Variants in SLC39A11 observed in about 807,000 individuals in gnomAD.
SLC39A11 encodes solute carrier family 39 member 11, also known as zinc transporter ZIP11.
SLC39A11 carries 33 observed loss-of-function variants against 36.1 expected under a neutral mutation model. The ratio of observed to expected loss-of-function variants is 0.91; its 90% CI spans 0.69 to 1.22. The LOEUF (loss-of-function observed/expected upper bound fraction) is 1.22. Ranked by LOEUF, SLC39A11 falls within the 50% of genes most tolerant of loss-of-function variation. The pLI is 0.00. For synonymous variants in SLC39A11, 166 were observed against 170.3 expected, an observed-to-expected ratio of 0.97 and a Z score of 0.20; for missense variants, 432 against 430.3, an observed-to-expected ratio of 1.00 and a Z score of -0.03.
intron 7 of SLC39A11, among the ~76,000 whole-genome samples, chr17:72,670,212 C>CACACAT (rs1300718493): frequency 4.0e-5 from 5 of 125,214 alleles, no homozygotes; most frequent in Non-Finnish European, 8.6e-5. Context: ...CACACACACA[C>CACACAT]ATATATATAT....
intron 6 of SLC39A11, among the ~76,000 whole-genome samples, chr17:72,800,454 G>T (rs2077047489): frequency 6.6e-6 from 1 of 151,936 alleles, no homozygotes; most frequent in Non-Finnish European, 1.5e-5. Context: ...GGGATTACAG[G>T]CACACACCAC....
chr17:73,015,697 C>T (rs1400051217), intron 4 of SLC39A11, among the ~76,000 whole-genome samples: 2 of 152,182 alleles, frequency 1.3e-5, no homozygotes, highest in African/African-American at 4.8e-5. Context: ...ATTCTCGTGC[C>T]TTGGCCTCCC....
chr17:72,896,024 T>C (rs971298079), intron 5 of SLC39A11, among the ~76,000 whole-genome samples: 1 of 152,008 alleles, frequency 6.6e-6, no homozygotes, highest in Non-Finnish European at 1.5e-5. Flanking sequence ...ATTCAGTATC[T>C]TAAACTCAAT....
At chr17:73,060,210 CAAAAAAAA>C (rs33931672) in intron 3 of SLC39A11, among the ~76,000 whole-genome samples, 6 of 70,352 alleles carry the variant, frequency 8.5e-5, no homozygotes, top group Non-Finnish European at 1.6e-4. Context: ...AACTCCATCT[CAAAAAAAA>C]AAAAAAAAAA....
intron 6 of SLC39A11, among the ~76,000 whole-genome samples, chr17:72,809,649 G>C (rs1053333956): frequency 3.3e-5 from 5 of 152,186 alleles, no homozygotes; most frequent in Non-Finnish European, 7.3e-5. Flanking sequence ...AAAAGAGAGA[G>C]ACTCTTACTT....
intron 3 of SLC39A11, among the ~76,000 whole-genome samples, chr17:73,036,310 T>A (rs2058912424): frequency 6.6e-6 from 1 of 152,176 alleles, no homozygotes; most frequent in African/African-American, 2.4e-5. Context: ...GACATAGGCC[T>A]ACCTGTCCCC....
At chr17:72,695,303 T>C (rs1440409541) in intron 7 of SLC39A11, among the ~76,000 whole-genome samples, 1 of 152,200 alleles carries the variant, frequency 6.6e-6, no homozygotes, top group African/African-American at 2.4e-5. Context: ...TCCCGGCACG[T>C]AGTATCCACA....
chr17:72,804,514 T>G (rs1313946227), intron 6 of SLC39A11, among the ~76,000 whole-genome samples: 1 of 152,144 alleles, frequency 6.6e-6, no homozygotes, highest in Non-Finnish European at 1.5e-5. Context: ...GCCTGTAAGA[T>G]TATAAAAGGA....
At chr17:72,987,311 C>A (rs1448387143) in intron 4 of SLC39A11, among the ~76,000 whole-genome samples, 2 of 152,172 alleles carry the variant, frequency 1.3e-5, no homozygotes, top group Non-Finnish European at 2.9e-5. Context: ...AATTACCCAG[C>A]CTCAGGTATT....
intron 7 of SLC39A11, among the ~76,000 whole-genome samples, chr17:72,732,674 G>A (rs1437942488): frequency 6.6e-6 from 1 of 152,192 alleles, no homozygotes; most frequent in African/African-American, 2.4e-5. Context: ...CTATTTGAGT[G>A]TAAGTGCAAC....
chr17:72,833,994 T>C (rs1458557072), intron 6 of SLC39A11, among the ~76,000 whole-genome samples: 3 of 152,236 alleles, frequency 2.0e-5, no homozygotes, highest in Non-Finnish European at 2.9e-5. Context: ...ATGTAGGACA[T>C]ACCCCATGAC....
Position 72,646,519 on chromosome 17 carries a change from T to C in SLC39A11, c.*1065A>G, listed in dbSNP as rs1363399721. 3.3e-5 allele frequency: 5 copies of C among 152,354 alleles called. No homozygotes were observed. Among genetic ancestry groups the C allele is most frequent in the African/African-American group, 1.2e-4 (5 of 41,464 alleles). The allele number at this position is 152,354 out of a possible 1,614,324, so 9.4% of individuals were successfully genotyped here. A position where few individuals can be genotyped will look rare whatever the true frequency, so the allele number is the denominator to read the frequency against. On this transcript the variant is annotated 3_prime_UTR_variant, in exon 10 of 10. Transcript: ENST00000255559. ...TTTAAAGGGGAAATGTAAAATTACC[T>C]CTTCTTTTCCTATCCCCTTCTTCCT...
At chr17:72,889,921 G>A (rs766607191) in intron 5 of SLC39A11, among the ~76,000 whole-genome samples, 1 of 152,084 alleles carries the variant, frequency 6.6e-6, no homozygotes, top group Non-Finnish European at 1.5e-5. Flanking sequence ...GTGAAGGGCT[G>A]GAAGCAAGAA....
intron 6 of SLC39A11, among the ~76,000 whole-genome samples, chr17:72,842,610 T>C (rs964669535): frequency 1.3e-5 from 2 of 152,198 alleles, no homozygotes; most frequent in Non-Finnish European, 2.9e-5. Context: ...CTTCAATCTG[T>C]ATGATACTGC....
At chr17:73,077,856 C>G (rs1346166045) in intron 3 of SLC39A11, among the ~76,000 whole-genome samples, 1 of 152,178 alleles carries the variant, frequency 6.6e-6, no homozygotes, top group African/African-American at 2.4e-5. Flanking sequence ...AAACTTCTTA[C>G]ACTCTATCTG....
At chr17:73,038,321 C>T (rs190085182) in intron 3 of SLC39A11, among the ~76,000 whole-genome samples, 17 of 152,196 alleles carry the variant, frequency 1.1e-4, no homozygotes, top group Admixed American at 5.9e-4. Flanking sequence ...TAACTTCAGT[C>T]TTTGGCTGGT....
chr17:72,947,896 A>T, intron 4 of SLC39A11, 21 bp from the exon 5 acceptor site: 1 of 1,611,992 alleles, frequency 6.2e-7, no homozygotes, highest in South Asian at 1.1e-5. Context: ...AAGCGGTAAC[A>T]TCACTAGAGC....
intron 6 of SLC39A11, among the ~76,000 whole-genome samples, chr17:72,743,596 A>G (rs2074808162): frequency 6.6e-6 from 1 of 152,134 alleles, no homozygotes; most frequent in Non-Finnish European, 1.5e-5. Flanking sequence ...GGGGAAGACA[A>G]TGTATCTGTT....
chr17:72,754,045 T>TATATAC (rs1491202409), intron 6 of SLC39A11, among the ~76,000 whole-genome samples: 1 of 53,270 alleles, frequency 1.9e-5, no homozygotes, highest in African/African-American at 6.1e-5. Context: ...TATATATATA[T>TATATAC]ACACATACAC....
Sources: gnomAD v4.1 joint callset for allele counts (sites outside exome capture counted in the v4.1 genomes callset) on GRCh38, gnomAD v4.1.1 for gene constraint, MANE v1.5 for transcripts, NCBI Gene and HGNC (gene_info 2026-07-23, HGNC 2026-07-21) for gene names.